RNF6: variants seen among roughly 807,000 people sequenced by gnomAD.
RNF6 encodes the protein ring finger protein 6, also known as E3 ubiquitin-protein ligase RNF6.
Under a neutral mutation model 50.1 loss-of-function variants are expected in RNF6, and 21 were observed. The ratio of observed to expected loss-of-function variants is 0.42; its 90% CI spans 0.30 to 0.60. The LOEUF is 0.60. Among genes scored for constraint, RNF6 ranks in the 20% least tolerant of loss-of-function variants. The pLI is 0.20. For missense variants in RNF6, 698 were observed against 838.2 expected (o/e 0.83, Z 2.07); for synonymous variants, 255 against 291.8 (o/e 0.87, Z 1.29).
At chr13:26,151,824 G>A (rs1013095096) in intron 5 of RNF6, among the ~76,000 whole-genome samples, 3 of 152,146 alleles carry the variant, frequency 2.0e-5, no homozygotes, top group African/African-American at 7.2e-5. Context: ...GATCGCTTAC[G>A]CGCTCAATGA....
At chr13:26,147,916 C>T (rs1871334427) in intron 5 of RNF6, among the ~76,000 whole-genome samples, 1 of 152,152 alleles carries the variant, frequency 6.6e-6, no homozygotes, top group African/African-American at 2.4e-5. Context: ...AACATGTCAA[C>T]CTCATTACAC....
intron 5 of RNF6, among the ~76,000 whole-genome samples, chr13:26,185,049 T>C (rs1873452558): frequency 6.6e-6 from 1 of 152,200 alleles, no homozygotes. Context: ...CAAGCTGTAG[T>C]GAAGTGGCAC....
At chr13:26,181,692 T>C (rs77612507) in intron 5 of RNF6, among the ~76,000 whole-genome samples, 1,532 of 152,296 alleles carry the variant, frequency 0.01, 5 homozygotes, top group Non-Finnish European at 0.016. Context: ...AGGGGATTCC[T>C]CTTGGCATCA....
At chr13:26,219,324 T>C in intron 3 of RNF6, 133 bp downstream of exon 3, 1 of 780,514 alleles carries the variant, frequency 1.3e-6, no homozygotes, top group Non-Finnish European at 1.9e-6. Flanking sequence ...TAAAAAGTTC[T>C]TAAACTCACA....
chr13:26,171,137 T>G (rs1482489704), intron 5 of RNF6, among the ~76,000 whole-genome samples: 1 of 152,116 alleles, frequency 6.6e-6, no homozygotes, highest in Non-Finnish European at 1.5e-5. Context: ...TGGGAGAAAA[T>G]ATTTGCAAAT....
At chr13:26,149,655 T>C (rs964063621) in intron 5 of RNF6, among the ~76,000 whole-genome samples, 17 of 151,344 alleles carry the variant, frequency 1.1e-4, no homozygotes, top group Non-Finnish European at 2.2e-4. Context: ...TTGGCTATAA[T>C]TGATTTTAGT....
At chr13:26,181,690 C>G (rs1156662045) in intron 5 of RNF6, among the ~76,000 whole-genome samples, 1 of 152,162 alleles carries the variant, frequency 6.6e-6, no homozygotes, top group Non-Finnish European at 1.5e-5. Context: ...CAAGGGGATT[C>G]CTCTTGGCAT....
At chr13:26,198,099 G>A (rs1015248331) in intron 5 of RNF6, among the ~76,000 whole-genome samples, 4 of 146,584 alleles carry the variant, frequency 2.7e-5, no homozygotes, top group African/African-American at 7.7e-5. Flanking sequence ...GTATGTGTGT[G>A]TAGTACGAAA....
chr13:26,148,802 G>A (rs1395756326), intron 5 of RNF6, among the ~76,000 whole-genome samples: 2 of 150,772 alleles, frequency 1.3e-5, no homozygotes, highest in African/African-American at 4.9e-5. Flanking sequence ...TTGACAAGCT[G>A]GAAACTCAGG....
intron 5 of RNF6, among the ~76,000 whole-genome samples, chr13:26,172,927 A>C (rs984275607): frequency 6.6e-6 from 1 of 152,188 alleles, no homozygotes; most frequent in Non-Finnish European, 1.5e-5. Context: ...AAACTCCTAG[A>C]AATTACTAAA....
In RNF6 at chr13:26,219,627, G is replaced by A. The variant is rs1870264945; in HGVS notation, c.23C>T (p.Ser8Leu). The A allele has an allele frequency of 6.2e-7, 1 of 1,613,304 alleles. No individual in the cohort carries two copies. Among genetic ancestry groups the A allele is most frequent in the African/African-American group, 1.3e-5 (1 of 74,888 alleles). MNQSRSR[S>L]DGGSEETLPQ... is the part of the protein sequence containing the mutation. Reference sequence around the variant, plus strand: ...TAAGGTTTCTTCACTGCCACCATCTGATCTCGATCTAGACTGATTCATCCT... The same window carrying A: ...TAAGGTTTCTTCACTGCCACCATCTAATCTCGATCTAGACTGATTCATCCT... The change falls in exon 3 of 5, where the codon TCA becomes TTA. Residue 8 changes from serine (S) to leucine (L), a missense_variant. Ser to Leu is a moderately radical substitution (Grantham distance 145). Coordinates refer to ENST00000381588, the MANE Select transcript of RNF6 (RefSeq NM_005977.4).
intron 5 of RNF6, chr13:26,154,210 A>T (rs1871787318): frequency 6.6e-6 from 1 of 152,270 alleles, no homozygotes; most frequent in Non-Finnish European, 1.5e-5. Context: ...TTCCATTGAT[A>T]TTCGGAACTC....
chr13:26,203,532 G>A (rs192798022), intron 5 of RNF6, among the ~76,000 whole-genome samples: 3 of 152,236 alleles, frequency 2.0e-5, no homozygotes, highest in Non-Finnish European at 4.4e-5. Flanking sequence ...ACACCTTTGG[G>A]TGTGACACAG....
At chr13:26,150,046 GTGTA>G (rs1221400039) in intron 5 of RNF6, among the ~76,000 whole-genome samples, 11 of 89,438 alleles carry the variant, frequency 1.2e-4, no homozygotes, top group African/African-American at 4.4e-4. Context: ...TATATATAAT[GTGTA>G]TATATATATA....
chr13:26,132,487 A>T (rs1249348490), intron 5 of RNF6: 1 of 456,480 alleles, frequency 2.2e-6, no homozygotes, highest in African/African-American at 2.0e-5. Context: ...AAATAAAAGT[A>T]GAAGTTTAAT....
chr13:26,193,918 G>A (rs1038961471), intron 5 of RNF6, among the ~76,000 whole-genome samples: 2 of 152,186 alleles, frequency 1.3e-5, no homozygotes, highest in Non-Finnish European at 2.9e-5. Flanking sequence ...AGATGTTCTT[G>A]TGTAATTATT....
intron 4 of RNF6, among the ~76,000 whole-genome samples, chr13:26,217,327 G>A (rs1230146394): frequency 6.6e-6 from 1 of 152,202 alleles, no homozygotes; most frequent in Non-Finnish European, 1.5e-5. Context: ...TTCCTTCTTT[G>A]ATTAACATTT....
intron 5 of RNF6, among the ~76,000 whole-genome samples, chr13:26,190,190 A>T (rs954619928): frequency 6.6e-6 from 1 of 152,150 alleles, no homozygotes; most frequent in Non-Finnish European, 1.5e-5. Context: ...ACCATTCTTC[A>T]CATTTTCCTC....
In RNF6 at chr13:26,164,713, T is replaced by C. The variant is rs979592728; in HGVS notation, n.769-32262A>G. Among the ~76,000 whole-genome samples, 5 of 152,182 alleles carry C rather than the reference T, an allele frequency of 3.3e-5. No individual in the cohort carries two copies. In the East Asian group the frequency reaches 9.6e-4, roughly 29 times the overall value. On this transcript the variant is annotated intron_variant and non_coding_transcript_variant, in intron 5 of 5. Transcript: ENST00000468480. ...GTTCTGCTTGCTTTTCTTTACTTAT[T>C]TGTTTCATTCCTTTTACTGCCTCTC...
Sources: allele counts gnomAD v4.1 joint callset (sites outside exome capture counted in the v4.1 genomes callset), GRCh38; gene constraint gnomAD v4.1.1; transcripts MANE v1.5; gene names NCBI Gene and HGNC (gene_info 2026-07-23, HGNC 2026-07-21).